GGACT: variants seen among roughly 807,000 people sequenced by gnomAD.
GGACT encodes the protein gamma-glutamylaminecyclotransferase.
For missense variants in GGACT, 241 were observed against 233.2 expected, an observed-to-expected ratio of 1.03 and a Z score of -0.22; for synonymous variants, 118 against 115.3, an observed-to-expected ratio of 1.02 and a Z score of -0.15.
At position 100,539,907 on chromosome 13, in the gene GGACT, G is replaced by A. The variant is rs1294271866; in HGVS notation, c.-10-7306C>T. On this transcript the variant is annotated intron_variant, in intron 2 of 2. Transcript: ENST00000683975. ...TCTTTAAGAACTCAGCTCCTTACAT[G>A]GGCTTTGGTGGGGGACGTGGGGCAG... 3.0e-6 allele frequency: 4 copies of A among 1,333,210 alleles called. No homozygotes were observed. The East Asian group carries it at 9.2e-5, about 31-fold the overall frequency. The allele number at this position is 1,333,210 out of a possible 1,614,324, so 82.6% of individuals were successfully genotyped here. A position where few individuals can be genotyped will look rare whatever the true frequency, so the allele number is the denominator to read the frequency against.
rs533699755 is a variant in GGACT, at chr13:100,540,977, C to T, written c.-10-8376G>A. 7.9e-5 allele frequency among the ~76,000 whole-genome samples: 12 copies of T among 152,316 alleles called. No individual in the cohort carries two copies. In the South Asian group the frequency reaches 2.5e-3, roughly 32 times the overall value. ...ATGTTACTGTGTCTTCAACCCTGCCCCCTCTCACCATGCTAGTTTTTTGTT... is the reference window on the plus strand; with the variant it reads ...ATGTTACTGTGTCTTCAACCCTGCCTCCTCTCACCATGCTAGTTTTTTGTT... On this transcript the variant is annotated intron_variant, in intron 2 of 2. Transcript: ENST00000683975.
intron 2 of GGACT, chr13:100,539,560 G>T: frequency 3.5e-6 from 1 of 287,856 alleles, no homozygotes; most frequent in South Asian, 8.0e-5. Context: ...ATCCCACTTG[G>T]CCATTGCATA....
intron 2 of GGACT, chr13:100,537,802 A>G (rs992170611): frequency 6.6e-6 from 1 of 152,260 alleles, no homozygotes; most frequent in African/African-American, 2.4e-5. Flanking sequence ...AGCAGCACAG[A>G]CTTTGGAACA....
In GGACT at chr13:100,537,397, T is replaced by G. The variant is rs2153012564; in HGVS notation, c.-10-4796A>C. The G allele has an allele frequency of 3.3e-5, 5 of 152,428 alleles. No homozygotes were observed. In the South Asian group the frequency reaches 1.0e-3, roughly 32 times the overall value. 9.4% of individuals were successfully genotyped at this position (152,428 alleles called of 1,614,324 possible). A position where few individuals can be genotyped will look rare whatever the true frequency, so the allele number is the denominator to read the frequency against. On this transcript the variant is annotated intron_variant, in intron 2 of 2. Transcript: ENST00000683975. The stretch of plus-strand genomic sequence containing the variant: ...CAGAGTGAGGGCTGGGTAGAGGGGA[T>G]GGCTGGTGATAGCTGAAGGAGCCAG...
chr13:100,581,692 A>G (rs1212564992), intron 2 of GGACT, among the ~76,000 whole-genome samples: 2 of 152,222 alleles, frequency 1.3e-5, no homozygotes, highest in African/African-American at 4.8e-5. Flanking sequence ...TTCAGAGCAC[A>G]GTATGAAGGG....
At chr13:100,567,453 G>T (rs567137579) in intron 2 of GGACT, among the ~76,000 whole-genome samples, 1 of 152,204 alleles carries the variant, frequency 6.6e-6, no homozygotes, top group East Asian at 1.9e-4. Flanking sequence ...ATTGCTTTCT[G>T]GTTCAAGATG....
chr13:100,550,060 C>CG (rs2088642852), intron 2 of GGACT, among the ~76,000 whole-genome samples: 1 of 152,006 alleles, frequency 6.6e-6, no homozygotes, highest in Admixed American at 6.6e-5. Flanking sequence ...AAGAAGGGAG[C>CG]GGGGAAGGCA....
In GGACT at chr13:100,531,438, T is replaced by C. The variant is rs942199343; in HGVS notation, c.*692A>G. 1 of 152,236 alleles carries C rather than the reference T, an allele frequency of 6.6e-6. No homozygotes were observed. The highest frequency in any genetic ancestry group is 6.5e-5 in the Admixed American group (1 of 15,280). 9.4% of individuals were successfully genotyped at this position (152,236 alleles called of 1,614,324 possible). A position where few individuals can be genotyped will look rare whatever the true frequency, so the allele number is the denominator to read the frequency against. On this transcript the variant is annotated 3_prime_UTR_variant, in exon 3 of 3. Transcript: ENST00000683975. ...TCCACTTGAAGTCCGGGCGCTCAGC[T>C]GTGTCTACCAGCAAGTGGGTGTTCA...
intron 2 of GGACT, among the ~76,000 whole-genome samples, chr13:100,548,728 C>A (rs549819937): frequency 6.6e-6 from 1 of 152,262 alleles, no homozygotes; most frequent in South Asian, 2.1e-4. Context: ...ATGTAAGAAC[C>A]GAGAGCTGAT....
intron 1 of GGACT, among the ~76,000 whole-genome samples, chr13:100,587,852 C>A (rs1480026328): frequency 6.6e-6 from 1 of 152,196 alleles, no homozygotes; most frequent in Admixed American, 6.5e-5. Context: ...ATGGTGAAAC[C>A]CTGTCTCTAC....
intron 2 of GGACT, among the ~76,000 whole-genome samples, chr13:100,574,125 G>C (rs2153016529): frequency 6.6e-6 from 1 of 152,300 alleles, no homozygotes. Context: ...CAAAGACATG[G>C]AACCAACATA....
At chr13:100,563,229 C>T (rs2088781376) in intron 2 of GGACT, among the ~76,000 whole-genome samples, 1 of 152,132 alleles carries the variant, frequency 6.6e-6, no homozygotes, top group African/African-American at 2.4e-5. Context: ...ACACATGGGG[C>T]ACATGTGACA....
intron 2 of GGACT, among the ~76,000 whole-genome samples, chr13:100,544,093 G>A (rs1265084266): frequency 6.6e-6 from 1 of 152,178 alleles, no homozygotes; most frequent in Non-Finnish European, 1.5e-5. Flanking sequence ...TGTTGTGCAC[G>A]TTTCCCCTAG....
chr13:100,531,216 G>C lies in GGACT; in HGVS notation c.*914C>G. 6.6e-6 allele frequency: 1 copy of C among 152,222 alleles called. No individual in the cohort carries two copies. Among genetic ancestry groups the C allele is most frequent in the South Asian group, 2.1e-4 (1 of 4,818 alleles). 9.4% of individuals were successfully genotyped at this position (152,222 alleles called of 1,614,324 possible). A position where few individuals can be genotyped will look rare whatever the true frequency, so the allele number is the denominator to read the frequency against. The stretch of plus-strand genomic sequence containing the variant: ...CGATGCTGACAATTATCAGATGGAG[G>C]TGGGTAGTAATTGGTACTTCGTGCC... On this transcript the variant is annotated 3_prime_UTR_variant, in exon 3 of 3. Transcript: ENST00000683975.
chr13:100,577,883 GAT>G (rs1257036525), intron 2 of GGACT, among the ~76,000 whole-genome samples: 1 of 149,842 alleles, frequency 6.7e-6, no homozygotes, highest in Non-Finnish European at 1.5e-5. Flanking sequence ...CATCAACTGG[GAT>G]GTGTCTCTAT....
chr13:100,548,989 G>T lies in GGACT; in HGVS notation c.-10-16388C>A, dbSNP rs558964128. Among the ~76,000 whole-genome samples the T allele has an allele frequency of 2.7e-4, 41 of 152,364 alleles. 1 individual carries two copies. The South Asian group carries it at 8.5e-3, about 32-fold the overall frequency. ...TAACCACCAAATACAACTGCAAGAT[G>T]TCAAATTTAAAATCCCTAGGAATGC... On this transcript the variant is annotated intron_variant, in intron 2 of 2. Coordinates refer to ENST00000683975, the MANE Select transcript of GGACT (RefSeq NM_001195087.2).
At chr13:100,576,683 C>T (rs1362914293) in intron 2 of GGACT, among the ~76,000 whole-genome samples, 2 of 152,304 alleles carry the variant, frequency 1.3e-5, no homozygotes, top group South Asian at 2.1e-4. Context: ...TATATCATTT[C>T]ATTTACATGA....
chr13:100,562,728 G>A (rs1419480972), intron 2 of GGACT, among the ~76,000 whole-genome samples: 2 of 151,760 alleles, frequency 1.3e-5, no homozygotes, highest in African/African-American at 4.8e-5. Flanking sequence ...CCCAGGAGGC[G>A]GAGGTTGCAG....
chr13:100,545,237 T>C lies in GGACT; in HGVS notation c.-10-12636A>G, dbSNP rs1594186070. Among the ~76,000 whole-genome samples, 1 of 152,176 alleles carries C rather than the reference T, an allele frequency of 6.6e-6. No homozygotes were observed. The highest frequency in any genetic ancestry group is 1.5e-5 in the Non-Finnish European group (1 of 68,030). On this transcript the variant is annotated intron_variant, in intron 2 of 2. Coordinates refer to ENST00000683975, the MANE Select transcript of GGACT (RefSeq NM_001195087.2). The surrounding 1 kb of genome is among the most constrained non-coding windows in gnomAD (Gnocchi z 4.4). ...CCATGCCCACCCCATGCCAAGTGCT[T>C]TACTTACATTCTTCACCTGGTGCTC... is the stretch of plus-strand genomic sequence containing the variant.
Sources: gnomAD v4.1 joint callset for allele counts (sites outside exome capture counted in the v4.1 genomes callset) on GRCh38, gnomAD v4.1.1 for gene constraint, Gnocchi (gnomAD v3.1) non-coding constraint, MANE v1.5 for transcripts, NCBI Gene and HGNC (gene_info 2026-07-23, HGNC 2026-07-21) for gene names.